GRM7: variants seen among roughly 807,000 people sequenced by gnomAD.
GRM7 encodes glutamate metabotropic receptor 7.
GRM7 carries 35 observed loss-of-function variants against 84.5 expected under a neutral mutation model. The ratio of observed to expected loss-of-function variants is 0.41; its 90% CI spans 0.32 to 0.55. The LOEUF (loss-of-function observed/expected upper bound fraction) is 0.55, where lower values mean the gene tolerates loss of function less well. Among genes scored for constraint, GRM7 ranks in the 20% least tolerant of loss-of-function variants. The pLI is 0.19. For missense variants in GRM7, 1,003 were observed against 1,194.6 expected (o/e 0.84, Z 2.36); for synonymous variants, 487 against 455.1 (o/e 1.07, Z -0.89).
At chr3:7,525,301 G>A (rs6443113) in intron 7 of GRM7, among the ~76,000 whole-genome samples, 93,417 of 151,902 alleles carry the variant, frequency 0.61, 29,805 homozygotes, top group African/African-American at 0.79. Context: ...TACACGTGTC[G>A]GAATTCTCTG....
intron 8 of GRM7, among the ~76,000 whole-genome samples, chr3:7,648,611 T>C (rs1698771809): frequency 6.7e-6 from 1 of 150,222 alleles, no homozygotes; most frequent in Non-Finnish European, 1.5e-5. Context: ...ATTGCACCAC[T>C]GCACTCCAGC....
At chr3:7,177,558 G>C (rs1695195707) in intron 2 of GRM7, among the ~76,000 whole-genome samples, 1 of 140,236 alleles carries the variant, frequency 7.1e-6, no homozygotes, top group South Asian at 2.6e-4. Context: ...GGGAGGGAGG[G>C]AGGAAAGGAA....
chr3:7,643,735 G>A (rs180904771), intron 8 of GRM7, among the ~76,000 whole-genome samples: 70 of 152,196 alleles, frequency 4.6e-4, no homozygotes, highest in Middle Eastern at 3.4e-3. Context: ...CCAAATAAGA[G>A]GTTATTAATA....
intron 7 of GRM7, among the ~76,000 whole-genome samples, chr3:7,488,187 A>G (rs191664146): frequency 5.7e-4 from 87 of 152,084 alleles, no homozygotes; most frequent in African/African-American, 2.1e-3. Flanking sequence ...TAGATAACTT[A>G]TTTTTCATTT....
intron 7 of GRM7, among the ~76,000 whole-genome samples, chr3:7,473,532 A>AGAGAGAGAGAGAGAGAGAGAGAG (rs1553603738): frequency 3.6e-5 from 3 of 83,562 alleles, no homozygotes; most frequent in Non-Finnish European, 5.7e-5. Context: ...GAGAGAGAGA[A>AGAGAGAGAGAGAGAGAGAGAGAG]ACACCTTGAC....
chr3:7,222,336 G>T (rs566385983), intron 2 of GRM7, among the ~76,000 whole-genome samples: 34 of 152,078 alleles, frequency 2.2e-4, no homozygotes, highest in African/African-American at 7.0e-4. Flanking sequence ...AGATTTGAAG[G>T]GTGAAAAGGA....
At chr3:7,639,793 G>A (rs1698276945) in intron 8 of GRM7, among the ~76,000 whole-genome samples, 1 of 151,820 alleles carries the variant, frequency 6.6e-6, no homozygotes, top group Non-Finnish European at 1.5e-5. Context: ...GTACACTTAT[G>A]TAACTGTCGC....
intron 5 of GRM7, among the ~76,000 whole-genome samples, chr3:7,439,039 G>C (rs1697177831): frequency 6.6e-6 from 1 of 152,148 alleles, no homozygotes; most frequent in South Asian, 2.1e-4. Context: ...GTGGTTGATA[G>C]TTAATGTCAT....
intron 4 of GRM7, among the ~76,000 whole-genome samples, chr3:7,381,038 TG>T: frequency 6.6e-6 from 1 of 152,252 alleles, no homozygotes; most frequent in South Asian, 2.1e-4. Context: ...AAGTCAAATT[TG>T]GAAGCAGAAG....
At chr3:7,509,665 C>A (rs1480516371) in intron 7 of GRM7, among the ~76,000 whole-genome samples, 1 of 152,174 alleles carries the variant, frequency 6.6e-6, no homozygotes, top group East Asian at 1.9e-4. Flanking sequence ...GTCTTAGGGT[C>A]AACCCAGTAA....
rs537343672 is a variant in GRM7, at chr3:7,360,143, G to C, written c.1033+53491G>C. On this transcript the variant is annotated intron_variant, in intron 4 of 9. Coordinates refer to ENST00000357716, the MANE Select transcript of GRM7 (RefSeq NM_000844.4). ...CCCCCCCTTTTTTTTCCCTCTGTGT[G>C]TGTGTGTGTGTGTGTGTGTGTGTGT... is the stretch of plus-strand genomic sequence containing the variant. Among the ~76,000 whole-genome samples the C allele has an allele frequency of 7.5e-3, 985 of 131,650 alleles. 106 individuals are homozygous for C. The highest frequency in any genetic ancestry group is 0.034 in the African/African-American group (932 of 27,538). The allele number at this position is 131,650 out of a possible 152,430, so 86.4% of individuals were successfully genotyped here.
intron 1 of GRM7, among the ~76,000 whole-genome samples, chr3:6,989,803 G>A (rs1199750525): frequency 6.6e-6 from 1 of 152,214 alleles, no homozygotes; most frequent in African/African-American, 2.4e-5. Flanking sequence ...ACTAACATCT[G>A]TGTGAAAAGA....
chr3:7,068,472 G>T (rs746941126), intron 1 of GRM7, among the ~76,000 whole-genome samples: 13 of 151,938 alleles, frequency 8.6e-5, no homozygotes, highest in Non-Finnish European at 1.6e-4. Flanking sequence ...TCTACTGTCT[G>T]CAATACCCAT....
At position 6,915,522 on chromosome 3, in the gene GRM7, T is replaced by C. The variant is rs530956039; in HGVS notation, c.519+53615T>C. 1.3e-5 allele frequency among the ~76,000 whole-genome samples: 2 copies of C among 152,368 alleles called. 1 individual carries two copies. Among genetic ancestry groups the C allele is most frequent in the African/African-American group, 4.8e-5 (2 of 41,592 alleles). Reference sequence around the variant, plus strand: ...ATTCTCAACGTTCATCTTTTCATACTGTCATCAAATTTCTTACTTTAACAA... The same window carrying C: ...ATTCTCAACGTTCATCTTTTCATACCGTCATCAAATTTCTTACTTTAACAA... On this transcript the variant is annotated intron_variant, in intron 1 of 9. Coordinates refer to ENST00000357716, the MANE Select transcript of GRM7 (RefSeq NM_000844.4).
At chr3:7,308,650 G>T (rs1700281167) in intron 4 of GRM7, among the ~76,000 whole-genome samples, 1 of 152,176 alleles carries the variant, frequency 6.6e-6, no homozygotes, top group South Asian at 2.1e-4. Flanking sequence ...TGTGAGATGT[G>T]ATTGTGGTGG....
intron 7 of GRM7, among the ~76,000 whole-genome samples, chr3:7,488,053 C>G (rs1358626215): frequency 6.6e-6 from 1 of 152,208 alleles, no homozygotes; most frequent in Non-Finnish European, 1.5e-5. Flanking sequence ...GCTTTAAGAG[C>G]TAATGTTTGC....
intron 1 of GRM7, among the ~76,000 whole-genome samples, chr3:7,083,451 C>T (rs956970359): frequency 1.3e-5 from 2 of 152,146 alleles, no homozygotes; most frequent in African/African-American, 4.8e-5. Flanking sequence ...CCTCATGTGA[C>T]TCGCTTTACT....
chr3:7,358,805 G>A (rs748882854), intron 4 of GRM7, among the ~76,000 whole-genome samples: 2 of 152,026 alleles, frequency 1.3e-5, no homozygotes, highest in Non-Finnish European at 2.9e-5. Context: ...ACTATAGTGT[G>A]TAAGTATTTT....
At chr3:7,425,822 G>T (rs570164738) in intron 5 of GRM7, among the ~76,000 whole-genome samples, 36 of 152,244 alleles carry the variant, frequency 2.4e-4, no homozygotes, top group Admixed American at 2.3e-3. Context: ...AAGCTGAAAT[G>T]GTTCTCCTTT....
Sources: allele counts gnomAD v4.1 joint callset (sites outside exome capture counted in the v4.1 genomes callset), GRCh38; gene constraint gnomAD v4.1.1; transcripts MANE v1.5; gene names NCBI Gene and HGNC (gene_info 2026-07-23, HGNC 2026-07-21).